IL15: variants seen among roughly 807,000 people sequenced by gnomAD.
IL15 encodes the protein interleukin-15.
In IL15, 11 loss-of-function variants were observed where a neutral mutation model predicts 19.6. The observed-to-expected ratio is 0.56, with a 90% confidence interval of 0.35 to 0.93. The LOEUF is 0.93. Among genes scored for constraint, IL15 ranks in the 40% least tolerant of loss-of-function variants. IL15 has a pLI of 0.01. For synonymous variants in IL15, 58 were observed against 59.6 expected (o/e 0.97, Z 0.12); for missense variants, 197 against 186.5 (o/e 1.06, Z -0.33).
intron 5 of IL15, among the ~76,000 whole-genome samples, chr4:141,725,973 G>T (rs921488269): frequency 2.6e-5 from 4 of 152,044 alleles, no homozygotes; most frequent in African/African-American, 4.8e-5. Flanking sequence ...CATGGCGAGG[G>T]GCTGAATGTA....
chr4:141,719,090 G>GA (rs1729987206), intron 2 of IL15: 1 of 178,092 alleles, frequency 5.6e-6, no homozygotes, highest in African/African-American at 2.3e-5. Flanking sequence ...TCAATTCAGG[G>GA]AAATAATAGA....
At chr4:141,674,505 G>T (rs2152169177) in intron 2 of IL15, among the ~76,000 whole-genome samples, 1 of 152,180 alleles carries the variant, frequency 6.6e-6, no homozygotes, top group Non-Finnish European at 1.5e-5. Context: ...AGAATCGCTT[G>T]AACCAGGGAG....
chr4:141,729,762 T>C (rs1202342187), intron 6 of IL15, 85 bp from the exon 7 acceptor site: 2 of 746,820 alleles, frequency 2.7e-6, no homozygotes, highest in African/African-American at 3.6e-5. Context: ...AATATTTGGA[T>C]TGACTTTTTG....
Position 141,660,644 on chromosome 4 carries a change from C to T in IL15, c.-100+4337C>T, listed in dbSNP as rs557554399. Among the ~76,000 whole-genome samples the T allele has an allele frequency of 5.3e-5, 8 of 152,162 alleles. 1 individual carries two copies. The highest frequency in any genetic ancestry group is 1.9e-4 in the African/African-American group (8 of 41,506). On this transcript the variant is annotated intron_variant, in intron 2 of 7. Coordinates refer to ENST00000320650, the MANE Select transcript of IL15 (RefSeq NM_000585.5). ...TTGCGTTCTGGTTTTGCTTGTTTACCAGGAAATTGTGACATTTCTCTGTGA... is the reference window on the plus strand; with the variant it reads ...TTGCGTTCTGGTTTTGCTTGTTTACTAGGAAATTGTGACATTTCTCTGTGA...
intron 5 of IL15, among the ~76,000 whole-genome samples, chr4:141,724,980 A>G (rs1488397738): frequency 6.6e-6 from 1 of 152,198 alleles, no homozygotes; most frequent in African/African-American, 2.4e-5. Flanking sequence ...AAAACCAAAT[A>G]AAGATATTAC....
At chr4:141,652,535 A>T (rs1727442422) in intron 1 of IL15, among the ~76,000 whole-genome samples, 1 of 152,166 alleles carries the variant, frequency 6.6e-6, no homozygotes, top group South Asian at 2.1e-4. Flanking sequence ...AAAGTAGGCC[A>T]GAAAGCAATG....
intron 2 of IL15, among the ~76,000 whole-genome samples, chr4:141,679,774 G>A (rs1728473557): frequency 6.6e-6 from 1 of 152,154 alleles, no homozygotes; most frequent in Non-Finnish European, 1.5e-5. Context: ...AAACACTGAT[G>A]TTATCATTTT....
At chr4:141,662,029 G>A (rs929127552) in intron 2 of IL15, among the ~76,000 whole-genome samples, 3 of 151,970 alleles carry the variant, frequency 2.0e-5, no homozygotes, top group Admixed American at 6.5e-5. Flanking sequence ...TGTCTTTTTC[G>A]TTTTTAGATT....
At chr4:141,692,940 C>T (rs1007848646) in intron 2 of IL15, among the ~76,000 whole-genome samples, 16 of 143,096 alleles carry the variant, frequency 1.1e-4, no homozygotes, top group African/African-American at 3.9e-4. Flanking sequence ...AGTCCATTTT[C>T]ACACTTCTAC....
intron 2 of IL15, chr4:141,719,159 T>C (rs1363539502): frequency 1.1e-5 from 3 of 275,162 alleles, no homozygotes; most frequent in African/African-American, 6.5e-5. Flanking sequence ...ATCCTGGCTG[T>C]CATGTACTTG....
rs746406045 is a variant in IL15, at chr4:141,732,750, T to C, written c.391T>C (p.Ser131Pro). 1 of 1,611,160 alleles carries C rather than the reference T, an allele frequency of 6.2e-7. No individual in the cohort carries two copies. Among genetic ancestry groups the C allele is most frequent in the East Asian group, 2.2e-5 (1 of 44,744 alleles). Reference sequence around the variant, plus strand: ...CTATATTTTGCAGAATGTAACAGAATCTGGATGCAAAGAATGTGAGGAACT... The same window carrying C: ...CTATATTTTGCAGAATGTAACAGAACCTGGATGCAAAGAATGTGAGGAACT... ...SLSSNGNVTE[S>P]GCKECEELEE... Residue 131 changes from serine (S) to proline (P), a missense_variant, in exon 8 of 8, where the codon TCT becomes CCT. Ser to Pro is a moderately conservative substitution (Grantham distance 74, BLOSUM62 -1). Transcript: ENST00000320650.
intron 2 of IL15, among the ~76,000 whole-genome samples, chr4:141,710,127 C>A (rs941297224): frequency 1.3e-5 from 2 of 152,112 alleles, no homozygotes; most frequent in African/African-American, 4.8e-5. Context: ...TGTATATATA[C>A]CACATTTTAA....
At chr4:141,677,463 A>G (rs1446011027) in intron 2 of IL15, among the ~76,000 whole-genome samples, 1 of 152,208 alleles carries the variant, frequency 6.6e-6, no homozygotes, top group Non-Finnish European at 1.5e-5. Flanking sequence ...CTTCTGGTCA[A>G]CAGTAGGCTA....
Position 141,732,954 on chromosome 4 carries a change from T to C in IL15, c.*106T>C. On this transcript the variant is annotated 3_prime_UTR_variant, in exon 8 of 8. Transcript: ENST00000320650. The stretch of plus-strand genomic sequence containing the variant: ...TTCAAATGTGCTGTCAAAACAAGTT[T>C]TTCTGTCAAGAAGATGATCAGACCT... 1 of 1,471,082 alleles carries C rather than the reference T, an allele frequency of 6.8e-7. No homozygotes were observed. Among genetic ancestry groups the C allele is most frequent in the Non-Finnish European group, 9.0e-7 (1 of 1,114,658 alleles). The allele number at this position is 1,471,082 out of a possible 1,614,324, so 91.1% of individuals were successfully genotyped here.
chr4:141,710,429 T>C (rs941217341), intron 2 of IL15, among the ~76,000 whole-genome samples: 3 of 152,226 alleles, frequency 2.0e-5, no homozygotes, highest in Non-Finnish European at 4.4e-5. Context: ...ACTTGGCATA[T>C]CTTTTTTTTG....
At chr4:141,695,272 C>CTTTTT (rs34115620) in intron 2 of IL15, among the ~76,000 whole-genome samples, 1 of 62,564 alleles carries the variant, frequency 1.6e-5, no homozygotes. Context: ...TCTATGATAC[C>CTTTTT]TTTTTTTTTT....
intron 2 of IL15, among the ~76,000 whole-genome samples, chr4:141,713,817 A>G (rs1408817963): frequency 1.3e-5 from 2 of 152,102 alleles, no homozygotes; most frequent in Admixed American, 6.5e-5. Context: ...AAATCTCCCA[A>G]TCGCTCCCTT....
chr4:141,688,176 G>A (rs1269243978), intron 2 of IL15, among the ~76,000 whole-genome samples: 6 of 152,126 alleles, frequency 3.9e-5, no homozygotes, highest in Non-Finnish European at 8.8e-5. Flanking sequence ...CACAAAGTCT[G>A]CCTAGTGACA....
chr4:141,669,190 T>C (rs1188767254), intron 2 of IL15, among the ~76,000 whole-genome samples: 2 of 152,206 alleles, frequency 1.3e-5, no homozygotes, highest in African/African-American at 4.8e-5. Context: ...ATATTTGGTA[T>C]CTGTTAGCTA....
Sources: gnomAD v4.1 joint callset for allele counts (sites outside exome capture counted in the v4.1 genomes callset) on GRCh38, gnomAD v4.1.1 for gene constraint, MANE v1.5 for transcripts, NCBI Gene and HGNC (gene_info 2026-07-23, HGNC 2026-07-21) for gene names.